GSE1: variants seen among roughly 807,000 people sequenced by gnomAD.
GSE1 encodes the protein Gse1 coiled-coil protein.
Under a neutral mutation model 112.6 loss-of-function variants are expected in GSE1, and 32 were observed. The observed-to-expected ratio is 0.28, with a 90% CI of 0.21 to 0.38. GSE1 has a LOEUF of 0.38. Ranked by LOEUF, GSE1 falls within the 10% of genes least tolerant of loss-of-function variation. GSE1 has a pLI of 1.00. For missense variants in GSE1, 2,348 were observed against 1,699.2 expected (o/e 1.38, Z -6.71); for synonymous variants, 1,115 against 735.6 (o/e 1.52, Z -8.35).
At chr16:85,530,184 C>G (rs1477825597) in intron 2 of GSE1, among the ~76,000 whole-genome samples, 1 of 152,204 alleles carries the variant, frequency 6.6e-6, no homozygotes, top group Non-Finnish European at 1.5e-5. Context: ...GCCTTGGCTC[C>G]CTGAAGCCTG....
At chr16:85,642,423 C>G (rs769137436) in intron 2 of GSE1, among the ~76,000 whole-genome samples, 1 of 152,226 alleles carries the variant, frequency 6.6e-6, no homozygotes, top group Non-Finnish European at 1.5e-5. Context: ...GGTTCCCACC[C>G]TGGCCGGCAC....
chr16:85,247,361 G>T (rs1447357346), intron 1 of GSE1, among the ~76,000 whole-genome samples: 1 of 152,180 alleles, frequency 6.6e-6, no homozygotes, highest in Non-Finnish European at 1.5e-5. Context: ...GAAACCCACC[G>T]CAGCACTGGG....
intron 1 of GSE1, among the ~76,000 whole-genome samples, chr16:85,261,971 T>C (rs1462336816): frequency 6.6e-6 from 1 of 152,114 alleles, no homozygotes; most frequent in Non-Finnish European, 1.5e-5. Flanking sequence ...TGTCGGGATG[T>C]TTGTCTCCCC....
intron 2 of GSE1, among the ~76,000 whole-genome samples, chr16:85,636,770 C>G (rs1420059169): frequency 6.6e-6 from 1 of 152,272 alleles, no homozygotes; most frequent in East Asian, 1.9e-4. Flanking sequence ...AAGCCCCCCT[C>G]ACCCCTAGCA....
chr16:85,620,430 C>G (rs1172011086), intron 1 of GSE1, among the ~76,000 whole-genome samples: 1 of 152,134 alleles, frequency 6.6e-6, no homozygotes, highest in Non-Finnish European at 1.5e-5. Context: ...GTATTTTTTC[C>G]ATTCACTTAA....
intron 2 of GSE1, among the ~76,000 whole-genome samples, chr16:85,367,568 G>T (rs756917308): frequency 1.3e-5 from 2 of 152,214 alleles, no homozygotes; most frequent in Non-Finnish European, 2.9e-5. Context: ...CTTTAGACGG[G>T]TGGTCGCAGA....
chr16:85,376,126 C>G (rs1193108037), intron 2 of GSE1, among the ~76,000 whole-genome samples: 1 of 152,190 alleles, frequency 6.6e-6, no homozygotes, highest in East Asian at 1.9e-4. Context: ...AAGGTACAGA[C>G]TCCAGGCTTC....
At chr16:85,431,585 C>T (rs1166379913) in intron 2 of GSE1, among the ~76,000 whole-genome samples, 1 of 152,202 alleles carries the variant, frequency 6.6e-6, no homozygotes, top group Non-Finnish European at 1.5e-5. Flanking sequence ...GGGTGGTGGC[C>T]GTGGCAGCCT....
chr16:85,492,174 T>C (rs2051030674), intron 2 of GSE1, among the ~76,000 whole-genome samples: 1 of 152,200 alleles, frequency 6.6e-6, no homozygotes, highest in Admixed American at 6.5e-5. Flanking sequence ...ACCAGCTTTT[T>C]GGCGGGGACA....
At chr16:85,591,308 C>T (rs1347704640) in intron 1 of GSE1, among the ~76,000 whole-genome samples, 3 of 152,202 alleles carry the variant, frequency 2.0e-5, no homozygotes, top group Non-Finnish European at 4.4e-5. Flanking sequence ...CTAGTTTCCC[C>T]TCCAGTTGCT....
Position 85,263,058 on chromosome 16 carries a change from C to T in GSE1, c.2283+91251C>T, listed in dbSNP as rs558399737. 1.8e-4 allele frequency among the ~76,000 whole-genome samples: 28 copies of T among 152,230 alleles called. 1 individual carries two copies. The Middle Eastern group carries it at 0.014, about 74-fold the overall frequency. ...CCACAGATCGCGGGAGGGCGGGGGCCGGGCTCGCTTACAGCACTCCTGACA... is the reference window on the plus strand; with the variant it reads ...CCACAGATCGCGGGAGGGCGGGGGCTGGGCTCGCTTACAGCACTCCTGACA... On this transcript the variant is annotated intron_variant, in intron 1 of 2. Coordinates refer to the GSE1 transcript ENST00000637419.
At chr16:85,566,676 C>T (rs951755249) in intron 1 of GSE1, among the ~76,000 whole-genome samples, 2 of 152,238 alleles carry the variant, frequency 1.3e-5, no homozygotes, top group Non-Finnish European at 2.9e-5. Flanking sequence ...CGGCCCCAAC[C>T]CTCCCCACCT....
chr16:85,563,798 C>T (rs997308095), intron 1 of GSE1, among the ~76,000 whole-genome samples: 1 of 152,206 alleles, frequency 6.6e-6, no homozygotes, highest in African/African-American at 2.4e-5. Flanking sequence ...GGCTGTCCCT[C>T]CCTTCTCTGG....
intron 2 of GSE1, among the ~76,000 whole-genome samples, chr16:85,515,286 G>T (rs919592037): frequency 1.3e-5 from 2 of 152,216 alleles, no homozygotes; most frequent in African/African-American, 4.8e-5. Context: ...CGGAGGCAGT[G>T]CCCGGGGAGC....
intron 1 of GSE1, among the ~76,000 whole-genome samples, chr16:85,192,546 T>C (rs1267230068): frequency 6.6e-6 from 1 of 152,238 alleles, no homozygotes; most frequent in African/African-American, 2.4e-5. Flanking sequence ...TGAGTGGCTC[T>C]GCAGGAGCCT....
At chr16:85,555,600 C>T, upstream of GSE1, 2 of 961,560 alleles carry the variant, frequency 2.1e-6, no homozygotes, top group African/African-American at 3.6e-5. Flanking sequence ...CACCCCGCCC[C>T]TCCTCACCCA....
exon 1 of GSE1, chr16:85,170,140 C>A: frequency 1.0e-6 from 1 of 985,254 alleles, no homozygotes; most frequent in Non-Finnish European, 1.2e-6. Context: ...GCCAGGGCCT[C>A]GCGGGGGGCG....
exon 1 of GSE1, chr16:85,170,576 G>A (rs2074343575): frequency 1.0e-6 from 1 of 985,634 alleles, no homozygotes; most frequent in Non-Finnish European, 1.2e-6. Context: ...AACAGTGGCC[G>A]TGTCCCCCGG....
intron 1 of GSE1, among the ~76,000 whole-genome samples, chr16:85,273,278 A>G (rs1322401757): frequency 6.7e-6 from 1 of 150,136 alleles, no homozygotes; most frequent in Non-Finnish European, 1.5e-5. Flanking sequence ...TCCACTTAGG[A>G]AGAGTAGATT....
Sources: allele counts gnomAD v4.1 joint callset (sites outside exome capture counted in the v4.1 genomes callset), GRCh38; gene constraint gnomAD v4.1.1; transcripts MANE v1.5; gene names NCBI Gene and HGNC (gene_info 2026-07-23, HGNC 2026-07-21).